RAB11FIP4: variants seen among roughly 807,000 people sequenced by gnomAD.
The protein encoded by RAB11FIP4 is RAB11 family interacting protein 4, also known as rab11 family-interacting protein 4.
A neutral mutation model predicts 74.3 loss-of-function variants in RAB11FIP4; 23 were observed. That is an observed-to-expected ratio of 0.31 (90% CI 0.22 to 0.44). The LOEUF is 0.44. Among genes scored for constraint, RAB11FIP4 ranks in the 20% least tolerant of loss-of-function variants. The pLI is 1.00. For synonymous variants in RAB11FIP4, 360 were observed against 359.9 expected, an observed-to-expected ratio of 1.00 and a Z score of 0.00; for missense variants, 630 against 863.9, an observed-to-expected ratio of 0.73 and a Z score of 3.39.
At chr17:31,471,782 G>A (rs867506186) in intron 3 of RAB11FIP4, among the ~76,000 whole-genome samples, 4 of 152,344 alleles carry the variant, frequency 2.6e-5, no homozygotes, top group African/African-American at 9.6e-5. Flanking sequence ...TCAAGTTGGC[G>A]ATGAGCCTTG....
At chr17:31,530,237 G>A in intron 13 of RAB11FIP4, 89 bp from the exon 14 acceptor site, 1 of 1,522,340 alleles carries the variant, frequency 6.6e-7, no homozygotes, top group Non-Finnish European at 9.0e-7. Flanking sequence ...GCTGGCGGCA[G>A]GTCGGGGACG....
intron 1 of RAB11FIP4, among the ~76,000 whole-genome samples, chr17:31,407,994 G>C (rs1268172802): frequency 6.6e-6 from 1 of 151,762 alleles, no homozygotes; most frequent in Non-Finnish European, 1.5e-5. Context: ...CACAGATAGA[G>C]CATTGTTCTG....
At position 31,528,738 on chromosome 17, in the gene RAB11FIP4, G is replaced by T. The variant is rs374416247; in HGVS notation, c.1613G>T (p.Arg538Leu). Residue 538 changes from arginine (R) to leucine (L), a missense_variant, in exon 13 of 15, where the codon CGC becomes CTC. By Grantham distance (102) the Arg-to-Leu change is moderately radical. Transcript: ENST00000621161. ...SGLGEFNARA[R>L]EVELEHEVKR... is the part of the protein sequence containing the mutation. The stretch of plus-strand genomic sequence containing the variant: ...CTAGGCGAGTTCAATGCCAGGGCCC[G>T]CGAGGTGGAGCTCGAGCACGAGGTC... 7 of 1,611,078 alleles carry T rather than the reference G, an allele frequency of 4.3e-6. No homozygotes were observed. The African/African-American group carries it at 8.0e-5, about 18-fold the overall frequency.
intron 2 of RAB11FIP4, among the ~76,000 whole-genome samples, chr17:31,432,916 A>G (rs933535660): frequency 6.6e-6 from 1 of 152,118 alleles, no homozygotes; most frequent in Non-Finnish European, 1.5e-5. Context: ...GCTTGATCTC[A>G]GGTGGATCAC....
intron 3 of RAB11FIP4, among the ~76,000 whole-genome samples, chr17:31,473,741 G>T (rs2071762816): frequency 6.6e-6 from 1 of 152,216 alleles, no homozygotes; most frequent in South Asian, 2.1e-4. Context: ...GGAGGTTGGT[G>T]CGATTTGCTC....
intron 3 of RAB11FIP4, among the ~76,000 whole-genome samples, chr17:31,490,334 G>T (rs1413578423): frequency 1.3e-5 from 2 of 152,196 alleles, no homozygotes; most frequent in African/African-American, 4.8e-5. Context: ...GATCTGGGCA[G>T]CCCGTTATGC....
chr17:31,485,002 A>G (rs903121561), intron 3 of RAB11FIP4, among the ~76,000 whole-genome samples: 1 of 152,232 alleles, frequency 6.6e-6, no homozygotes, highest in Admixed American at 6.5e-5. Context: ...CCATGCACAG[A>G]ACCAGTGCGT....
At chr17:31,447,523 T>G (rs1190243898) in intron 3 of RAB11FIP4, among the ~76,000 whole-genome samples, 1 of 152,146 alleles carries the variant, frequency 6.6e-6, no homozygotes, top group Non-Finnish European at 1.5e-5. Flanking sequence ...TTTACTTTAT[T>G]TTATTTATTT....
chr17:31,473,167 A>G (rs1488011366), intron 3 of RAB11FIP4, among the ~76,000 whole-genome samples: 1 of 152,092 alleles, frequency 6.6e-6, no homozygotes, highest in African/African-American at 2.4e-5. Context: ...AGAGGTTCTG[A>G]GAGCACAAGC....
chr17:31,413,692 A>G (rs1385963921), intron 1 of RAB11FIP4, among the ~76,000 whole-genome samples: 1 of 151,862 alleles, frequency 6.6e-6, no homozygotes. Flanking sequence ...GCCCTTCCAC[A>G]TCTCCCAAGC....
Position 31,536,975 on chromosome 17 carries a change from TGCCCCGGA to T in RAB11FIP4, c.*5246_*5253del, listed in dbSNP as rs2072976062. 1.0e-5 allele frequency: 4 copies of T among 399,012 alleles called. No homozygotes were observed. Among genetic ancestry groups the T allele is most frequent in the Non-Finnish European group, 1.8e-5 (4 of 226,104 alleles). 24.7% of individuals were successfully genotyped at this position (399,012 alleles called of 1,614,324 possible). ...TCCCCATCTGTAAGGTAGAGATGTC[TGCCCCGGA>T]GCTACCAGCTGGGGATGGCATCCAG... On this transcript the variant is annotated 3_prime_UTR_variant, in exon 15 of 15. Transcript: ENST00000621161.
intron 1 of RAB11FIP4, among the ~76,000 whole-genome samples, chr17:31,395,154 G>A (rs1189932901): frequency 6.6e-6 from 1 of 151,946 alleles, no homozygotes; most frequent in Middle Eastern, 3.4e-3. Flanking sequence ...CAAATGCTTT[G>A]CAAAAACCAA....
intron 1 of RAB11FIP4, among the ~76,000 whole-genome samples, chr17:31,407,971 C>A (rs190331848): frequency 6.6e-6 from 1 of 151,810 alleles, no homozygotes; most frequent in African/African-American, 2.4e-5. Context: ...TTTTCTAATT[C>A]TCTCATTCTT....
chr17:31,413,343 G>A (rs2071116549), intron 1 of RAB11FIP4, among the ~76,000 whole-genome samples: 1 of 152,086 alleles, frequency 6.6e-6, no homozygotes, highest in Non-Finnish European at 1.5e-5. Flanking sequence ...AGCCCACAGC[G>A]AGCAGCGCCT....
intron 1 of RAB11FIP4, among the ~76,000 whole-genome samples, chr17:31,403,676 G>A (rs2071017126): frequency 6.6e-6 from 1 of 152,188 alleles, no homozygotes; most frequent in Admixed American, 6.5e-5. Flanking sequence ...GAGCCTCCAT[G>A]AGGTGAAGTG....
chr17:31,423,508 C>T (rs940838118), intron 1 of RAB11FIP4, among the ~76,000 whole-genome samples: 3 of 152,192 alleles, frequency 2.0e-5, no homozygotes, highest in Admixed American at 6.5e-5. Context: ...CTTAGGGTTA[C>T]GAGCATGAGC....
rs1334068876 is a variant in RAB11FIP4 at position 31,537,541 on chromosome 17, GC to G, written c.*5810del. 1 of 223,518 alleles carries G rather than the reference GC, an allele frequency of 4.5e-6. No individual in the cohort carries two copies. Among genetic ancestry groups the G allele is most frequent in the African/African-American group, 2.3e-5 (1 of 44,374 alleles). 13.8% of individuals were successfully genotyped at this position (223,518 alleles called of 1,614,324 possible). ...GCAAAGCATCACTCTTTAACCTGGG[GC>G]ATTGGCCCCAGCAGGGATATCATGG... On this transcript the variant is annotated 3_prime_UTR_variant, in exon 15 of 15. Coordinates refer to ENST00000621161, the MANE Select transcript of RAB11FIP4 (RefSeq NM_032932.6).
At chr17:31,405,408 C>T (rs907259522) in intron 1 of RAB11FIP4, among the ~76,000 whole-genome samples, 3 of 151,818 alleles carry the variant, frequency 2.0e-5, no homozygotes, top group Non-Finnish European at 2.9e-5. Context: ...CTCGCTCTGT[C>T]GCCCAGGCTG....
chr17:31,422,206 G>C (rs1359842223), intron 1 of RAB11FIP4, among the ~76,000 whole-genome samples: 2 of 152,124 alleles, frequency 1.3e-5, no homozygotes, highest in African/African-American at 4.8e-5. Flanking sequence ...ATTATAGTTT[G>C]TTTAATCGTC....
Sources: allele counts gnomAD v4.1 joint callset (sites outside exome capture counted in the v4.1 genomes callset), GRCh38; gene constraint gnomAD v4.1.1; transcripts MANE v1.5; gene names NCBI Gene and HGNC (gene_info 2026-07-23, HGNC 2026-07-21).